Variants in ATP9B observed in about 807,000 individuals in gnomAD.
The protein encoded by ATP9B is probable phospholipid-transporting ATPase IIB.
ATP9B carries 110 observed loss-of-function variants against 146.1 expected under a neutral mutation model. That is an observed-to-expected ratio of 0.75 (90% CI 0.65 to 0.88). ATP9B has a LOEUF of 0.88. Ranked by LOEUF, ATP9B falls within the 40% of genes least tolerant of loss-of-function variation. The pLI, the probability that ATP9B is intolerant of heterozygous loss-of-function variation, is 0.00. For missense variants in ATP9B, 1,499 were observed against 1,496.4 expected, an observed-to-expected ratio of 1.00 and a Z score of -0.03; for synonymous variants, 604 against 569.7, an observed-to-expected ratio of 1.06 and a Z score of -0.86.
chr18:79,199,544 G>A lies in ATP9B; in HGVS notation c.954+6281G>A, dbSNP rs147940959. Reference sequence around the variant, plus strand: ...TGGGAGGCCGAGGCTGGTGGATCACGAGGTCAAGAGATTGAGGAGACCATC... The same window carrying A: ...TGGGAGGCCGAGGCTGGTGGATCACAAGGTCAAGAGATTGAGGAGACCATC... On this transcript the variant is annotated intron_variant, in intron 9 of 29. Coordinates refer to ENST00000426216, the MANE Select transcript of ATP9B (RefSeq NM_198531.5). 5.6e-3 allele frequency among the ~76,000 whole-genome samples: 855 copies of A among 151,452 alleles called. 6 individuals are homozygous for A. The highest frequency in any genetic ancestry group is 0.019 in the African/African-American group (781 of 41,302).
chr18:79,360,482 CCTGT>C (rs560172431), intron 26 of ATP9B: 25 of 152,252 alleles, frequency 1.6e-4, no homozygotes, highest in Non-Finnish European at 2.4e-4. Flanking sequence ...AAACTAGACT[CCTGT>C]CTGTCTAACT....
chr18:79,347,655 C>T (rs1271600156), intron 23 of ATP9B, 115 bp from the exon 24 acceptor site: 2 of 1,264,440 alleles, frequency 1.6e-6, no homozygotes, highest in Non-Finnish European at 2.1e-6. Flanking sequence ...TTTACAAGTT[C>T]TGCAGAGAGA....
At chr18:79,292,452 A>G (rs779710883) in intron 13 of ATP9B, among the ~76,000 whole-genome samples, 3 of 152,196 alleles carry the variant, frequency 2.0e-5, no homozygotes, top group Non-Finnish European at 2.9e-5. Flanking sequence ...TTGTATTTAC[A>G]GTGCATCAAA....
At chr18:79,302,260 A>G (rs750812690) in intron 13 of ATP9B, among the ~76,000 whole-genome samples, 4 of 152,222 alleles carry the variant, frequency 2.6e-5, no homozygotes, top group Non-Finnish European at 5.9e-5. Context: ...GCTGTGAAAT[A>G]AGTGCAGAAA....
At chr18:79,290,348 C>T (rs548781853) in intron 13 of ATP9B, among the ~76,000 whole-genome samples, 18 of 152,334 alleles carry the variant, frequency 1.2e-4, no homozygotes, top group East Asian at 9.7e-4. Context: ...GCCTTGCTGC[C>T]GCCTTGCAGT....
intron 5 of ATP9B, among the ~76,000 whole-genome samples, chr18:79,137,476 G>A (rs2094461582): frequency 6.6e-6 from 1 of 152,104 alleles, no homozygotes; most frequent in South Asian, 2.1e-4. Context: ...GGACAGATCT[G>A]GGGCATGCTC....
chr18:79,371,838 G>A (rs1033782602), intron 26 of ATP9B, among the ~76,000 whole-genome samples: 2 of 152,246 alleles, frequency 1.3e-5, no homozygotes, highest in Non-Finnish European at 2.9e-5. Flanking sequence ...CCCCGTGGGT[G>A]GGGAAGCCCT....
chr18:79,181,184 G>A (rs1277695473), intron 8 of ATP9B, among the ~76,000 whole-genome samples: 1 of 152,094 alleles, frequency 6.6e-6, no homozygotes, highest in East Asian at 1.9e-4. Flanking sequence ...GATTTCATCT[G>A]ATGGCATCCA....
chr18:79,234,998 G>A (rs561103777), intron 11 of ATP9B, among the ~76,000 whole-genome samples: 37 of 152,000 alleles, frequency 2.4e-4, no homozygotes, highest in Non-Finnish European at 4.4e-4. Context: ...TCAGCCTCCC[G>A]AGTAGCTGGG....
At chr18:79,324,990 G>A (rs1357990757) in intron 15 of ATP9B, among the ~76,000 whole-genome samples, 1 of 152,210 alleles carries the variant, frequency 6.6e-6, no homozygotes, top group Non-Finnish European at 1.5e-5. Flanking sequence ...TAAACCAGTG[G>A]GGCTGGAGAG....
intron 5 of ATP9B, among the ~76,000 whole-genome samples, chr18:79,129,442 C>T (rs919630005): frequency 3.3e-5 from 5 of 152,254 alleles, no homozygotes; most frequent in East Asian, 1.9e-4. Context: ...GTGAGGCTGC[C>T]GCACAGAGCC....
chr18:79,220,760 A>G, intron 11 of ATP9B, among the ~76,000 whole-genome samples: 2 of 151,614 alleles, frequency 1.3e-5, no homozygotes, highest in East Asian at 3.9e-4. Flanking sequence ...TCTTATGTAA[A>G]TTCAATTTAA....
intron 8 of ATP9B, among the ~76,000 whole-genome samples, chr18:79,187,592 G>T (rs557937241): frequency 1.3e-5 from 2 of 152,120 alleles, no homozygotes; most frequent in East Asian, 3.9e-4. Flanking sequence ...GGTCTCTGCC[G>T]AGCCATTTCT....
chr18:79,255,941 C>T (rs1048939200), intron 12 of ATP9B, among the ~76,000 whole-genome samples: 5 of 152,018 alleles, frequency 3.3e-5, no homozygotes, highest in South Asian at 2.1e-4. Context: ...TGACACAGAA[C>T]GTGTTTGGGA....
intron 11 of ATP9B, among the ~76,000 whole-genome samples, chr18:79,232,312 C>G (rs2095800272): frequency 6.6e-6 from 1 of 152,224 alleles, no homozygotes; most frequent in African/African-American, 2.4e-5. Flanking sequence ...CTTCCCCACA[C>G]CTTGTCTGCA....
chr18:79,169,393 G>A (rs1184592535), intron 7 of ATP9B, among the ~76,000 whole-genome samples: 1 of 152,140 alleles, frequency 6.6e-6, no homozygotes, highest in Non-Finnish European at 1.5e-5. Context: ...AGTATAGTAG[G>A]TGTTCAGTAA....
At chr18:79,344,552 A>G (rs944547963) in intron 21 of ATP9B, among the ~76,000 whole-genome samples, 198 bp downstream of exon 21, 1 of 152,146 alleles carries the variant, frequency 6.6e-6, no homozygotes. Context: ...CAGTGCATCA[A>G]GGCCTTCTTG....
intron 7 of ATP9B, among the ~76,000 whole-genome samples, chr18:79,159,699 C>A (rs1053261448): frequency 6.6e-6 from 1 of 152,270 alleles, no homozygotes; most frequent in Middle Eastern, 3.4e-3. Context: ...CCCCCAGTGA[C>A]CCAGCACACC....
intron 11 of ATP9B, among the ~76,000 whole-genome samples, chr18:79,249,188 A>G (rs931079783): frequency 1.3e-5 from 2 of 152,170 alleles, no homozygotes; most frequent in Admixed American, 6.5e-5. Flanking sequence ...AGCTATTTAA[A>G]ACTTGGTACA....
Sources: allele counts gnomAD v4.1 joint callset (sites outside exome capture counted in the v4.1 genomes callset), GRCh38; gene constraint gnomAD v4.1.1; transcripts MANE v1.5; gene names NCBI Gene and HGNC (gene_info 2026-07-23, HGNC 2026-07-21).